CFAP20DC: variants seen among roughly 807,000 people sequenced by gnomAD.
The protein encoded by CFAP20DC is protein CFAP20DC.
CFAP20DC carries 84 observed loss-of-function variants against 101.7 expected under a neutral mutation model. That is an observed-to-expected ratio of 0.83 (90% CI 0.69 to 0.99). CFAP20DC has a LOEUF of 0.99. CFAP20DC is among the 50% of genes least tolerant of loss of function. The pLI is 0.00. For missense variants in CFAP20DC, 1,007 were observed against 970.3 expected (o/e 1.04, Z -0.50); for synonymous variants, 359 against 351.2 (o/e 1.02, Z -0.25).
At chr3:58,853,625 G>A (rs928237000) in intron 12 of CFAP20DC, among the ~76,000 whole-genome samples, 1 of 151,974 alleles carries the variant, frequency 6.6e-6, no homozygotes, top group Non-Finnish European at 1.5e-5. Flanking sequence ...ACATCAAAAT[G>A]CTTATCCACC....
At chr3:59,005,449 A>G (rs1459377040) in intron 4 of CFAP20DC, among the ~76,000 whole-genome samples, 1 of 152,224 alleles carries the variant, frequency 6.6e-6, no homozygotes, top group Non-Finnish European at 1.5e-5. Context: ...CAAGTTTCAG[A>G]CAAAGTCACC....
intron 3 of CFAP20DC, among the ~76,000 whole-genome samples, chr3:59,040,132 T>C (rs1283558521): frequency 6.6e-6 from 1 of 152,092 alleles, no homozygotes; most frequent in African/African-American, 2.4e-5. Flanking sequence ...CTAATTCATA[T>C]GGTTTTAAAT....
chr3:58,926,736 G>A (rs901315011), intron 5 of CFAP20DC, among the ~76,000 whole-genome samples: 1 of 152,344 alleles, frequency 6.6e-6, no homozygotes, highest in South Asian at 2.1e-4. Flanking sequence ...CATCAGAGCT[G>A]TGGTTCAAGA....
rs936471689 is a variant in CFAP20DC, at chr3:59,006,517, C to G, written c.278+33040G>C. ...AAGTGTGAGGTGGGGAATCCTGCCT[C>G]TGAACACACATCCCCACTGGGGAAT... On this transcript the variant is annotated intron_variant, in intron 4 of 16. Coordinates refer to ENST00000482387, the MANE Select transcript of CFAP20DC (RefSeq NM_001394063.1). This position sits in a 1 kb window ranked among gnomAD's most constrained non-coding sequence, Gnocchi z 4.3. Among the ~76,000 whole-genome samples, 1 of 152,222 alleles carries G rather than the reference C, an allele frequency of 6.6e-6. No individual in the cohort carries two copies. The highest frequency in any genetic ancestry group is 1.5e-5 in the Non-Finnish European group (1 of 68,042).
chr3:59,032,914 C>T (rs898028149), intron 4 of CFAP20DC, among the ~76,000 whole-genome samples: 1 of 152,130 alleles, frequency 6.6e-6, no homozygotes, highest in Non-Finnish European at 1.5e-5. Context: ...GAGACACCTC[C>T]CAGCAGTGGT....
At chr3:58,723,969 T>C (rs183797389) in intron 3 of CFAP20DC, among the ~76,000 whole-genome samples, 2 of 152,362 alleles carry the variant, frequency 1.3e-5, no homozygotes, top group African/African-American at 4.8e-5. Context: ...TTTGTTGTTC[T>C]AGCCTGTCTC....
intron 5 of CFAP20DC, among the ~76,000 whole-genome samples, chr3:58,916,906 C>A (rs2084795917): frequency 6.6e-6 from 1 of 152,086 alleles, no homozygotes; most frequent in Non-Finnish European, 1.5e-5. Context: ...TGAGTTACAG[C>A]TGAACTTTAT....
intron 15 of CFAP20DC, among the ~76,000 whole-genome samples, chr3:58,789,099 T>C (rs2072632145): frequency 6.6e-6 from 1 of 152,154 alleles, no homozygotes. Context: ...TATTATTGTT[T>C]AAAATTACAG....
At chr3:58,803,941 C>CA (rs2073880456) in intron 15 of CFAP20DC, among the ~76,000 whole-genome samples, 1 of 152,142 alleles carries the variant, frequency 6.6e-6, no homozygotes, top group Non-Finnish European at 1.5e-5. Context: ...CTTTGGAAAT[C>CA]AATTTGTAAA....
chr3:59,047,606 C>G (rs188860638), intron 1 of CFAP20DC, among the ~76,000 whole-genome samples: 145 of 152,312 alleles, frequency 9.5e-4, no homozygotes, highest in African/African-American at 3.2e-3. Context: ...TGCAACCACA[C>G]TAAAGGGTTT....
In CFAP20DC at chr3:58,717,828, T is replaced by C. The variant is rs1307103781; in HGVS notation, c.198-200A>G. On this transcript the variant is annotated intron_variant, in intron 3 of 3. Coordinates refer to the CFAP20DC transcript ENST00000486145. This position sits in a 1 kb window ranked among gnomAD's most constrained non-coding sequence, Gnocchi z 4.1. ...TGGATGAGACTCTGGGGAGGGCGTA[T>C]TCTAACTGGGTATACTGCAGCCCAA... Among the ~76,000 whole-genome samples, 2 of 152,094 alleles carry C rather than the reference T, an allele frequency of 1.3e-5. No individual in the cohort carries two copies. The highest frequency in any genetic ancestry group is 2.9e-5 in the Non-Finnish European group (2 of 68,012).
In CFAP20DC at chr3:59,014,425, C is replaced by A. The variant is rs2093648797; in HGVS notation, c.278+25132G>T. Among the ~76,000 whole-genome samples the A allele has an allele frequency of 6.6e-6, 1 of 152,112 alleles. No homozygotes were observed. The highest frequency in any genetic ancestry group is 1.5e-5 in the Non-Finnish European group (1 of 68,002). On this transcript the variant is annotated intron_variant, in intron 4 of 16. Transcript: ENST00000482387. This position sits in a 1 kb window ranked among gnomAD's most constrained non-coding sequence, Gnocchi z 4.9. ...GTTCTACTTTTTAACTAAATATTAA[C>A]TGAAACTTTATGATATCTATAATCC...
chr3:58,951,407 G>A (rs1186507724), intron 4 of CFAP20DC, among the ~76,000 whole-genome samples: 1 of 152,150 alleles, frequency 6.6e-6, no homozygotes, highest in Non-Finnish European at 1.5e-5. Context: ...CCATTACTGG[G>A]TATATACCCA....
chr3:58,934,970 A>G (rs2087317183), intron 5 of CFAP20DC, among the ~76,000 whole-genome samples: 1 of 152,220 alleles, frequency 6.6e-6, no homozygotes, highest in African/African-American at 2.4e-5. Context: ...TTAGGAAAAG[A>G]GGAAGTCAAA....
chr3:58,871,531 CTTTTTTT>C (rs951056591), intron 7 of CFAP20DC, among the ~76,000 whole-genome samples: 12 of 136,166 alleles, frequency 8.8e-5, no homozygotes, highest in African/African-American at 3.2e-4. Flanking sequence ...TCCGACTTTT[CTTTTTTT>C]TTTTTTTTTG....
At chr3:58,827,185 T>A (rs1484355894) in intron 14 of CFAP20DC, among the ~76,000 whole-genome samples, 1 of 152,084 alleles carries the variant, frequency 6.6e-6, no homozygotes, top group South Asian at 2.1e-4. Flanking sequence ...ATAGGGTTCG[T>A]CTCAATTTTG....
At chr3:58,974,120 T>C (rs1178213715) in intron 4 of CFAP20DC, among the ~76,000 whole-genome samples, 1 of 152,120 alleles carries the variant, frequency 6.6e-6, no homozygotes, top group Admixed American at 6.5e-5. Flanking sequence ...TTTTTCTTTT[T>C]GTTTTGGGGG....
At position 58,824,397 on chromosome 3, in the gene CFAP20DC, T is replaced by C. The variant is rs374581133; in HGVS notation, c.2175+7289A>G. The C allele has an allele frequency of 2.2e-4, 33 of 152,244 alleles. 1 individual carries two copies. The South Asian group carries it at 5.8e-3, about 27-fold the overall frequency. 9.4% of individuals were successfully genotyped at this position (152,244 alleles called of 1,614,324 possible). On this transcript the variant is annotated intron_variant, in intron 14 of 16. Coordinates refer to ENST00000482387, the MANE Select transcript of CFAP20DC (RefSeq NM_001394063.1). ...CCAGAAACTCAGGACCTCGGCCTTT[T>C]GGTGGCGCTGTTGCTATGTGCTAGT... is the stretch of plus-strand genomic sequence containing the variant.
intron 14 of CFAP20DC, among the ~76,000 whole-genome samples, chr3:58,823,190 A>C (rs1575771702): frequency 6.6e-6 from 1 of 152,186 alleles, no homozygotes. Flanking sequence ...TTCTTTTGCT[A>C]ATCTGTCTTT....
Sources: gnomAD v4.1 joint callset for allele counts (sites outside exome capture counted in the v4.1 genomes callset) on GRCh38, gnomAD v4.1.1 for gene constraint, Gnocchi (gnomAD v3.1) non-coding constraint, MANE v1.5 for transcripts, NCBI Gene and HGNC (gene_info 2026-07-23, HGNC 2026-07-21) for gene names.